The following NXPE4 variants were observed in gnomAD, a reference collection of about 807,000 sequenced individuals.
NXPE4 encodes the protein neurexophilin and PC-esterase domain family member 4.
Under a neutral mutation model 33.3 loss-of-function variants are expected in NXPE4, and 42 were observed. That is an observed-to-expected ratio of 1.26 (90% CI 0.98 to 1.63). NXPE4 has a LOEUF of 1.63. Among genes scored for constraint, NXPE4 ranks in the 40% most tolerant of loss-of-function variants. The pLI, the probability that NXPE4 is intolerant of heterozygous loss-of-function variation, is 0.00. For missense variants in NXPE4, 709 were observed against 647.6 expected (o/e 1.09, Z -1.03); for synonymous variants, 253 against 234.9 (o/e 1.08, Z -0.71).
At chr11:114,635,528 T>A in the NXPE4 span, among the ~76,000 whole-genome samples, 5 of 152,162 alleles carry the variant, frequency 3.3e-5, no homozygotes, top group South Asian at 1.0e-3. Flanking sequence ...AGAGAGGGCA[T>A]CCCTGTCTTG....
At chr11:114,640,198 T>G in the NXPE4 span, among the ~76,000 whole-genome samples, 5 of 124,670 alleles carry the variant, frequency 4.0e-5, no homozygotes, top group East Asian at 2.3e-3. Context: ...ATAATTTATA[T>G]ATATTATATT....
At chr11:114,640,176 T>C in the NXPE4 span, among the ~76,000 whole-genome samples, 2 of 114,752 alleles carry the variant, frequency 1.7e-5, no homozygotes, top group African/African-American at 6.6e-5. Flanking sequence ...ATAAATAATT[T>C]ATATATTATA....
chr11:114,577,127 T>TTA (rs1231793838), intron 5 of NXPE4, among the ~76,000 whole-genome samples: 39 of 138,510 alleles, frequency 2.8e-4, no homozygotes, highest in Non-Finnish European at 5.1e-4. Flanking sequence ...ATATATAAAG[T>TTA]TATATATATA....
At chr11:114,628,498 A>T in the NXPE4 span, among the ~76,000 whole-genome samples, 27 of 152,118 alleles carry the variant, frequency 1.8e-4, no homozygotes, top group East Asian at 5.0e-3. Flanking sequence ...ACGTACCAGA[A>T]TCTCTGGGAC....
intron 2 of NXPE4, among the ~76,000 whole-genome samples, chr11:114,588,175 T>C (rs1328983013): frequency 1.3e-5 from 2 of 152,098 alleles, no homozygotes; most frequent in Non-Finnish European, 2.9e-5. Flanking sequence ...AGGCCCTTCT[T>C]GTCCTCCCTC....
chr11:114,602,227 TTA>T, the NXPE4 span, among the ~76,000 whole-genome samples: 12 of 113,206 alleles, frequency 1.1e-4, no homozygotes, highest in Non-Finnish European at 1.6e-5. Context: ...ATGTTATAGA[TTA>T]TATATTATAC....
the NXPE4 span, among the ~76,000 whole-genome samples, chr11:114,625,901 AG>A: frequency 9.1e-4 from 138 of 152,252 alleles, no homozygotes; most frequent in African/African-American, 3.1e-3. Flanking sequence ...TCCTAGTCAA[AG>A]AAAGGGGTGA....
At chr11:114,650,925 C>T in the NXPE4 span, among the ~76,000 whole-genome samples, 7 of 152,148 alleles carry the variant, frequency 4.6e-5, no homozygotes, top group African/African-American at 1.7e-4. Context: ...GTAATACTGG[C>T]TAACAGAGAT....
intron 4 of NXPE4, among the ~76,000 whole-genome samples, chr11:114,581,343 A>C (rs1018276804): frequency 3.9e-5 from 6 of 152,112 alleles, no homozygotes; most frequent in Non-Finnish European, 8.8e-5. Context: ...CAGGTTGGAA[A>C]CCTCTAGATG....
chr11:114,632,939 A>G, the NXPE4 span, among the ~76,000 whole-genome samples: 1 of 98,088 alleles, frequency 1.0e-5, no homozygotes, highest in African/African-American at 4.2e-5. Context: ...ATAATAATAT[A>G]TATTATATGA....
At chr11:114,623,122 C>T in the NXPE4 span, among the ~76,000 whole-genome samples, 12 of 151,978 alleles carry the variant, frequency 7.9e-5, no homozygotes, top group Non-Finnish European at 1.5e-4. Context: ...CACTGTTACC[C>T]GGTGGATAAT....
the NXPE4 span, among the ~76,000 whole-genome samples, chr11:114,630,491 T>A: frequency 7.3e-5 from 11 of 151,644 alleles, no homozygotes; most frequent in East Asian, 1.9e-3. Context: ...TGAAACTGGA[T>A]CCCTTCCTTA....
chr11:114,594,573 T>C lies in NXPE4; in HGVS notation c.96+91A>G, dbSNP rs531868680. ...CTATTCAAACTCCCCTCCTATAATC[T>C]ACAAGTCTTGTAGTTTAGCCTTTCC... On this transcript the variant is annotated intron_variant, in intron 2 of 5. Coordinates refer to ENST00000375478, the MANE Select transcript of NXPE4 (RefSeq NM_001077639.2). 34 of 810,178 alleles carry C rather than the reference T, an allele frequency of 4.2e-5. No individual in the cohort carries two copies. The East Asian group carries it at 8.1e-4, about 19-fold the overall frequency. 50.2% of individuals were successfully genotyped at this position (810,178 alleles called of 1,614,324 possible). A position where few individuals can be genotyped will look rare whatever the true frequency, so the allele number is the denominator to read the frequency against.
the NXPE4 span, among the ~76,000 whole-genome samples, chr11:114,626,709 T>C: frequency 6.6e-6 from 1 of 151,974 alleles, no homozygotes; most frequent in Non-Finnish European, 1.5e-5. Context: ...CTTCAGACAA[T>C]CAAATTATTC....
chr11:114,599,065 T>A (rs111955550), upstream of NXPE4, among the ~76,000 whole-genome samples: 4 of 152,098 alleles, frequency 2.6e-5, no homozygotes, highest in African/African-American at 9.6e-5. Context: ...GTTTTACATC[T>A]TTTTTTTGCA....
chr11:114,572,179 C>T (rs1948906307), intron 5 of NXPE4, among the ~76,000 whole-genome samples: 2 of 152,116 alleles, frequency 1.3e-5, no homozygotes, highest in African/African-American at 2.4e-5. Flanking sequence ...GATTAAACCA[C>T]ATCAAGGGAG....
At chr11:114,637,742 T>G in the NXPE4 span, among the ~76,000 whole-genome samples, 1 of 151,626 alleles carries the variant, frequency 6.6e-6, no homozygotes, top group Non-Finnish European at 1.5e-5. Flanking sequence ...TGGCTGGATA[T>G]GAAATTCTGG....
the NXPE4 span, among the ~76,000 whole-genome samples, chr11:114,651,887 C>A: frequency 6.6e-6 from 1 of 152,140 alleles, no homozygotes; most frequent in Non-Finnish European, 1.5e-5. Flanking sequence ...GCTGGCTTCA[C>A]CTCTCAATAA....
chr11:114,624,447 G>T, the NXPE4 span, among the ~76,000 whole-genome samples: 1 of 152,110 alleles, frequency 6.6e-6, no homozygotes, highest in Non-Finnish European at 1.5e-5. Context: ...TTGCCTCATG[G>T]GTAACCACTG....
Sources: allele counts gnomAD v4.1 joint callset (sites outside exome capture counted in the v4.1 genomes callset), GRCh38; gene constraint gnomAD v4.1.1; transcripts MANE v1.5; gene names NCBI Gene and HGNC (gene_info 2026-07-23, HGNC 2026-07-21).